The following MYH7B variants were observed in gnomAD, a reference collection of about 807,000 sequenced individuals.
MYH7B encodes myosin heavy chain 7B.
In MYH7B, 205 loss-of-function variants were observed where a neutral mutation model predicts 234.5. That is an observed-to-expected ratio of 0.87 (90% confidence interval 0.78 to 0.98). The LOEUF is 0.98. Ranked by LOEUF, MYH7B falls within the 50% of genes least tolerant of loss-of-function variation. The probability of loss-of-function intolerance (pLI) is 0.00; values close to 1 mark genes in which losing one functional copy is unlikely to be tolerated. For missense variants in MYH7B, 2,652 were observed against 2,633.4 expected, an observed-to-expected ratio of 1.01 and a Z score of -0.15; for synonymous variants, 1,193 against 1,105.0, an observed-to-expected ratio of 1.08 and a Z score of -1.58.
chr20:34,988,225 G>A (rs1415141370), exon 19 of MYH7B: 1 of 1,614,128 alleles, frequency 6.2e-7, no homozygotes, highest in Non-Finnish European at 8.5e-7. Context: ...ATCGACTTCG[G>A]CCTTGACCTG....
At chr20:34,990,536 G>A (rs1402427572) in intron 22 of MYH7B, 2 of 820,824 alleles carry the variant, frequency 2.4e-6, no homozygotes, top group Non-Finnish European at 4.3e-6. Context: ...CTCTGGGAGG[G>A]ACGGGGATTT....
chr20:34,998,839 A>G, exon 35 of MYH7B: 2 of 1,613,280 alleles, frequency 1.2e-6, no homozygotes, highest in Non-Finnish European at 1.7e-6. Flanking sequence ...GTCCAAGGCC[A>G]ATGCCGAGGT....
In MYH7B at chr20:34,984,729, C is replaced by T. The variant is rs774457049; in HGVS notation, c.648+14C>T. On this transcript the variant is annotated intron_variant, in intron 11 of 44. Transcript: ENST00000262873. ...ACAAAGACGGGGGTGAGTATGGGGC[C>T]AATGTCAATGGGGCAGCCCTGGGGG... 6.2e-7 allele frequency: 1 copy of T among 1,606,602 alleles called. No individual in the cohort carries two copies. The highest frequency in any genetic ancestry group is 1.3e-5 in the African/African-American group (1 of 74,350).
intron 14 of MYH7B, among the ~76,000 whole-genome samples, 199 bp from the exon 15 acceptor site, chr20:34,986,687 C>G (rs1223868643): frequency 6.6e-6 from 1 of 152,174 alleles, no homozygotes; most frequent in African/African-American, 2.4e-5. Flanking sequence ...CAGGTCAGGG[C>G]CCTTCACTCT....
chr20:34,970,883 A>G (rs1271540215), intron 2 of MYH7B, among the ~76,000 whole-genome samples: 2 of 152,170 alleles, frequency 1.3e-5, no homozygotes, highest in African/African-American at 4.8e-5. Context: ...CCCATCAAAT[A>G]TCGACAATAC....
intron 24 of MYH7B, among the ~76,000 whole-genome samples, chr20:34,991,504 T>G (rs1240819480): frequency 6.6e-6 from 1 of 152,174 alleles, no homozygotes; most frequent in African/African-American, 2.4e-5. Flanking sequence ...GGATACTGGT[T>G]TGAGCTCTGT....
chr20:34,987,173 A>G (rs748074735), exon 16 of MYH7B: 2 of 1,613,376 alleles, frequency 1.2e-6, no homozygotes, highest in South Asian at 2.2e-5. Flanking sequence ...CCTAGGCTTC[A>G]GCGTGGATGA....
At chr20:34,999,033 C>T (rs1569062702) in intron 35 of MYH7B, 23 bp from the exon 36 acceptor site, 4 of 1,598,326 alleles carry the variant, frequency 2.5e-6, no homozygotes, top group African/African-American at 1.3e-5. Context: ...ATGGTCCACA[C>T]CTTGTCTGGT....
At chr20:34,999,839 C>A (rs746822371) in exon 38 of MYH7B, 24 of 1,612,438 alleles carry the variant, frequency 1.5e-5, no homozygotes, top group Non-Finnish European at 1.8e-5. Flanking sequence ...CCAGCTGGAG[C>A]TCTCCCAGGT....
At chr20:34,969,922 A>G (rs1294491542) in intron 2 of MYH7B, among the ~76,000 whole-genome samples, 3 of 152,038 alleles carry the variant, frequency 2.0e-5, no homozygotes, top group Non-Finnish European at 4.4e-5. Context: ...CACTAGTGTC[A>G]GGTACTATTC....
chr20:34,980,016 T>C (rs2081919210), intron 7 of MYH7B: 1 of 593,578 alleles, frequency 1.7e-6, no homozygotes, highest in East Asian at 3.0e-5. Context: ...GGTTGGGCCT[T>C]GGGACCTTAG....
chr20:34,994,209 G>A lies in MYH7B; in HGVS notation c.2508G>A (p.Trp836Ter), dbSNP rs1297550376. 1 of 1,613,308 alleles carries A rather than the reference G, an allele frequency of 6.2e-7. No individual in the cohort carries two copies. Among genetic ancestry groups the A allele is most frequent in the Non-Finnish European group, 8.5e-7 (1 of 1,180,022 alleles). The stretch of plus-strand genomic sequence containing the variant: ...TCAATGCCGTCAAGAACTGGTCATG[G>A]ATGAAGCTCTTTTTCAAGATGAAGC... Residue 836 changes from tryptophan (W) to a stop codon, truncating the protein, a stop_gained, in exon 27 of 45, where the codon TGG (tryptophan) becomes TGA (stop). Coordinates refer to ENST00000262873, the Ensembl canonical transcript of MYH7B. LOFTEE classifies it high-confidence loss of function.
At chr20:34,997,626 C>G (rs2147233609) in exon 32 of MYH7B, 4 of 1,613,462 alleles carry the variant, frequency 2.5e-6, no homozygotes, top group Middle Eastern at 3.3e-4. Flanking sequence ...CGTGGAGACT[C>G]TGACCCGCGC....
chr20:34,966,592 G>T (rs1174943562), intron 2 of MYH7B, among the ~76,000 whole-genome samples: 1 of 152,144 alleles, frequency 6.6e-6, no homozygotes, highest in African/African-American at 2.4e-5. Flanking sequence ...AAGTCGTATA[G>T]AACTTAATAC....
At chr20:34,973,997 T>C (rs1019095959) in intron 2 of MYH7B, among the ~76,000 whole-genome samples, 19 of 151,080 alleles carry the variant, frequency 1.3e-4, no homozygotes, top group Non-Finnish European at 2.4e-4. Flanking sequence ...CGATCTCGGC[T>C]CACTGCAACC....
At chr20:34,994,171 A>G in exon 27 of MYH7B, 1 of 1,613,372 alleles carries the variant, frequency 6.2e-7, no homozygotes, top group Non-Finnish European at 8.5e-7. Flanking sequence ...CATCCAGTGG[A>G]ACATCCGTGC....
exon 45 of MYH7B, chr20:35,002,339 A>ATTCT (rs1555899305): frequency 8.2e-6 from 7 of 850,308 alleles, no homozygotes; most frequent in East Asian, 2.8e-5. Context: ...TTTCCTTCTC[A>ATTCT]TTCTTTTCTT....
intron 2 of MYH7B, among the ~76,000 whole-genome samples, chr20:34,974,158 C>T (rs940573230): frequency 1.3e-5 from 2 of 151,718 alleles, no homozygotes; most frequent in Non-Finnish European, 2.9e-5. Context: ...AACTCCTGAC[C>T]TCAGGTAATC....
In MYH7B at chr20:34,965,466, G is replaced by A. The variant is rs562114843; in HGVS notation, c.-222+7254G>A. Among the ~76,000 whole-genome samples, 7 of 152,374 alleles carry A rather than the reference G, an allele frequency of 4.6e-5. No homozygotes were observed. The East Asian group carries it at 5.8e-4, about 13-fold the overall frequency. ...TGGTTCTCAAAAGCAGAAGCCTCAC[G>A]CCAGGGGACATGGCCCATCAGCAAG... On this transcript the variant is annotated intron_variant, in intron 2 of 44. Transcript: ENST00000262873.
Sources: allele counts gnomAD v4.1 joint callset (sites outside exome capture counted in the v4.1 genomes callset), GRCh38; gene constraint gnomAD v4.1.1; transcripts MANE v1.5; gene names NCBI Gene and HGNC (gene_info 2026-07-23, HGNC 2026-07-21).